GPR137B: variants seen among roughly 807,000 people sequenced by gnomAD.
The protein encoded by GPR137B is G protein-coupled receptor 137B, also known as integral membrane protein GPR137B.
A neutral mutation model predicts 42.5 loss-of-function variants in GPR137B; 42 were observed. The observed-to-expected ratio is 0.99, with a 90% CI of 0.77 to 1.28. The LOEUF (loss-of-function observed/expected upper bound fraction) is 1.28. Ranked by LOEUF, GPR137B falls within the 50% of genes most tolerant of loss-of-function variation. The probability of loss-of-function intolerance (pLI) is 0.00; values close to 1 mark genes in which losing one functional copy is unlikely to be tolerated. For missense variants in GPR137B, 487 were observed against 493.9 expected (o/e 0.99, Z 0.13); for synonymous variants, 218 against 209.7 (o/e 1.04, Z -0.34).
intron 1 of GPR137B, among the ~76,000 whole-genome samples, chr1:236,147,629 C>G (rs1321893731): frequency 1.3e-5 from 2 of 152,170 alleles, no homozygotes; most frequent in African/African-American, 2.4e-5. Flanking sequence ...CAGGTGGAAG[C>G]AAGCATCACC....
rs746376897 is a variant in GPR137B at position 236,180,128 on chromosome 1, C to T, written c.837+100C>T. ...CAGAAAATACCAAAATCTGGATGCT[C>T]AAGTCCCTGATATAAAATGGTGTAG... is the stretch of plus-strand genomic sequence containing the variant. On this transcript the variant is annotated intron_variant, in intron 4 of 6. Transcript: ENST00000366592. The T allele has an allele frequency of 4.5e-6, 4 of 880,124 alleles. No homozygotes were observed. In the African/African-American group the frequency reaches 4.9e-5, roughly 11 times the overall value. The allele number at this position is 880,124 out of a possible 1,614,324, so 54.5% of individuals were successfully genotyped here.
chr1:236,205,409 T>C (rs1278505286), intron 6 of GPR137B, among the ~76,000 whole-genome samples, 159 bp downstream of exon 6: 1 of 152,198 alleles, frequency 6.6e-6, no homozygotes, highest in African/African-American at 2.4e-5. Flanking sequence ...TGTGAAACAT[T>C]CAGGAATGAG....
rs534543204 is a variant in GPR137B, at chr1:236,150,461, C to T, written c.414+7425C>T. 3.9e-5 allele frequency among the ~76,000 whole-genome samples: 6 copies of T among 152,322 alleles called. No homozygotes were observed. Among genetic ancestry groups the T allele is most frequent in the Admixed American group, 2.6e-4 (4 of 15,300 alleles). On this transcript the variant is annotated intron_variant, in intron 1 of 6. Transcript: ENST00000366592. This position sits in a 1 kb window ranked among gnomAD's most constrained non-coding sequence, Gnocchi z 6.2. ...GAGCCCTCTCCTCGAGCCATGGCAG[C>T]GTGCTCTTCTCTCTGCAGCTGAGGC...
Position 236,208,571 on chromosome 1 carries a change from C to CTAAAG in GPR137B, c.*416_*420dup, listed in dbSNP as rs1663736982. The CTAAAG allele has an allele frequency of 3.1e-6, 3 of 960,342 alleles. No individual in the cohort carries two copies. The highest frequency in any genetic ancestry group is 1.1e-4 in the East Asian group (1 of 8,800). The allele number at this position is 960,342 out of a possible 1,614,324, so 59.5% of individuals were successfully genotyped here. ...CTAATAGTTTTTTAAAGCTTTTGGA[C>CTAAAG]TAAAGTATTCCACAAATCTTACCTC... On this transcript the variant is annotated 3_prime_UTR_variant, in exon 7 of 7. Coordinates refer to ENST00000366592, the MANE Select transcript of GPR137B (RefSeq NM_003272.4).
intron 2 of GPR137B, among the ~76,000 whole-genome samples, chr1:236,175,391 T>G (rs1377843647): frequency 2.6e-5 from 4 of 152,070 alleles, no homozygotes; most frequent in Non-Finnish European, 5.9e-5. Flanking sequence ...CAAACCTGTA[T>G]TGCTCAAGGG....
chr1:236,152,416 C>T (rs1189460346), intron 1 of GPR137B, among the ~76,000 whole-genome samples: 3 of 151,650 alleles, frequency 2.0e-5, no homozygotes, highest in Non-Finnish European at 4.4e-5. Context: ...GAGCTGAGAT[C>T]GCACCACTGC....
chr1:236,194,244 A>C (rs1292348664), intron 5 of GPR137B, among the ~76,000 whole-genome samples: 1 of 152,148 alleles, frequency 6.6e-6, no homozygotes, highest in African/African-American at 2.4e-5. Context: ...TTTGAGAAGC[A>C]TCTGTATTTG....
chr1:236,184,844 G>A (rs920876578), intron 5 of GPR137B, among the ~76,000 whole-genome samples: 1 of 151,832 alleles, frequency 6.6e-6, no homozygotes, highest in South Asian at 2.1e-4. Flanking sequence ...TCAGCTCACT[G>A]CAACCTCCGC....
At chr1:236,191,049 C>CT (rs1382747291) in intron 5 of GPR137B, among the ~76,000 whole-genome samples, 20 of 152,188 alleles carry the variant, frequency 1.3e-4, no homozygotes, top group South Asian at 6.2e-4. Context: ...CCTTTTTATT[C>CT]TTTTTTCTCT....
intron 1 of GPR137B, among the ~76,000 whole-genome samples, chr1:236,143,329 C>T (rs1661586873): frequency 6.6e-6 from 1 of 152,258 alleles, no homozygotes; most frequent in African/African-American, 2.4e-5. Flanking sequence ...GGCGCTTCTC[C>T]GTGCGCAGCG....
chr1:236,159,352 A>C (rs182354395), intron 1 of GPR137B, among the ~76,000 whole-genome samples: 14 of 152,260 alleles, frequency 9.2e-5, no homozygotes, highest in Admixed American at 1.3e-4. Flanking sequence ...TAAGACAGCA[A>C]ATGTCAACTT....
At chr1:236,167,184 C>T (rs1473372397) in intron 1 of GPR137B, among the ~76,000 whole-genome samples, 1 of 152,186 alleles carries the variant, frequency 6.6e-6, no homozygotes, top group African/African-American at 2.4e-5. Flanking sequence ...TTTGATAATA[C>T]ATGTACATAA....
Position 236,208,292 on chromosome 1 carries a change from C to CCG in GPR137B, c.*135_*136insGC, listed in dbSNP as rs1199085686. 1.4e-6 allele frequency: 2 copies of CCG among 1,453,512 alleles called. No individual in the cohort carries two copies. Among genetic ancestry groups the CCG allele is most frequent in the East Asian group, 5.0e-5 (2 of 40,302 alleles). 90.0% of individuals were successfully genotyped at this position (1,453,512 alleles called of 1,614,324 possible). Reference sequence around the variant, plus strand: ...TATTTGTTACAGGTTTCCAATGGCCCCATAGGAATAAGCAATAATGTAGAC... The same window carrying CCG: ...TATTTGTTACAGGTTTCCAATGGCCCCGCATAGGAATAAGCAATAATGTAGAC... On this transcript the variant is annotated 3_prime_UTR_variant, in exon 7 of 7. Transcript: ENST00000366592.
At chr1:236,188,014 A>G (rs10754505) in intron 5 of GPR137B, among the ~76,000 whole-genome samples, 81,166 of 151,708 alleles carry the variant, frequency 0.54, 24,251 homozygotes, top group East Asian at 0.84. Context: ...CTTGAGCAGC[A>G]GTTTGTAGTT....
chr1:236,170,115 A>T (rs1207313983), intron 2 of GPR137B, among the ~76,000 whole-genome samples: 1 of 149,810 alleles, frequency 6.7e-6, no homozygotes, highest in East Asian at 2.0e-4. Context: ...CCTCTGGAAG[A>T]GGCGCGGGGG....
At position 236,198,528 on chromosome 1, in the gene GPR137B, T is replaced by G. The variant is rs148442044; in HGVS notation, c.967-6598T>G. 4.6e-5 allele frequency among the ~76,000 whole-genome samples: 7 copies of G among 152,324 alleles called. No individual in the cohort carries two copies. In the East Asian group the frequency reaches 1.4e-3, roughly 29 times the overall value. On this transcript the variant is annotated intron_variant, in intron 5 of 6. Transcript: ENST00000366592. ...CCTGATGATGGTATCTTGATGGGAA[T>G]TGCATTGAATTTGTAGATTGCTTTT...
Position 236,142,665 on chromosome 1 carries a change from C to G in GPR137B, c.43C>G (p.Pro15Ala). Residue 15 changes from proline to alanine, a missense_variant, in exon 1 of 7, where the codon CCG (proline) becomes GCG (alanine). Pro to Ala is a conservative substitution (Grantham distance 27). Transcript: ENST00000366592. ...RPRPRGSAPG[P>A]METPPWDPAR... is the part of the protein sequence containing the mutation. Reference sequence around the variant, plus strand: ...CCGGCCGCGCGGCAGCGCCCCCGGCCCGATGGAGACCCCGCCGTGGGACCC... The same window carrying G: ...CCGGCCGCGCGGCAGCGCCCCCGGCGCGATGGAGACCCCGCCGTGGGACCC... The G allele has an allele frequency of 6.5e-7, 1 of 1,539,818 alleles. No homozygotes were observed. The highest frequency in any genetic ancestry group is 8.7e-7 in the Non-Finnish European group (1 of 1,148,400).
intron 5 of GPR137B, among the ~76,000 whole-genome samples, chr1:236,203,370 C>T (rs910176317): frequency 6.6e-5 from 10 of 152,156 alleles, no homozygotes; most frequent in African/African-American, 2.4e-4. Flanking sequence ...AGCCACCATG[C>T]CTGGCCCTAT....
intron 5 of GPR137B, among the ~76,000 whole-genome samples, chr1:236,193,138 A>C (rs1417665161): frequency 6.6e-6 from 1 of 151,870 alleles, no homozygotes; most frequent in African/African-American, 2.4e-5. Flanking sequence ...CAGGCGATCC[A>C]CCTGCCTTGG....
Sources: allele counts gnomAD v4.1 joint callset (sites outside exome capture counted in the v4.1 genomes callset), GRCh38; gene constraint gnomAD v4.1.1; non-coding constraint Gnocchi (gnomAD v3.1); transcripts MANE v1.5; gene names NCBI Gene and HGNC (gene_info 2026-07-23, HGNC 2026-07-21).